ST18: variants seen among roughly 807,000 people sequenced by gnomAD.
ST18 encodes suppression of tumorigenicity 18 protein.
Under a neutral mutation model 110.0 loss-of-function variants are expected in ST18, and 50 were observed. The ratio of observed to expected loss-of-function variants is 0.45; its 90% CI spans 0.36 to 0.58. The LOEUF is 0.58. Among genes scored for constraint, ST18 ranks in the 20% least tolerant of loss-of-function variants. The pLI is 0.00. For synonymous variants in ST18, 461 were observed against 452.4 expected (o/e 1.02, Z -0.24); for missense variants, 1,306 against 1,280.1 (o/e 1.02, Z -0.31).
intron 18 of ST18, among the ~76,000 whole-genome samples, chr8:52,137,130 C>T (rs772726306): frequency 2.0e-5 from 3 of 152,188 alleles, no homozygotes; most frequent in Non-Finnish European, 4.4e-5. Flanking sequence ...CGATTTGAGT[C>T]ACTGTTGTAT....
intron 8 of ST18, among the ~76,000 whole-genome samples, chr8:52,210,681 TAAATAA>T (rs1005660146): frequency 4.0e-5 from 6 of 151,512 alleles, no homozygotes; most frequent in Non-Finnish European, 8.8e-5. Flanking sequence ...AAAAAATAAA[TAAATAA>T]AAATAAAAAT....
At chr8:52,193,848 G>A (rs934805189) in intron 8 of ST18, among the ~76,000 whole-genome samples, 26 of 152,150 alleles carry the variant, frequency 1.7e-4, no homozygotes, top group Non-Finnish European at 3.4e-4. Context: ...GAAACTTTGT[G>A]ACCACACTCA....
Position 52,145,080 on chromosome 8 carries a change from G to A in ST18, c.2053-2035C>T, listed in dbSNP as rs753638833. ...ATTTTTTTTTTTTTTTAACGAAAAC[G>A]GCATAAAGTAAAAAGAGCCATTTTA... On this transcript the variant is annotated intron_variant, in intron 16 of 25. Transcript: ENST00000689386. Among the ~76,000 whole-genome samples, 302 of 150,316 alleles carry A rather than the reference G, an allele frequency of 2.0e-3. 3 individuals carry two copies. The highest frequency in any genetic ancestry group is 3.5e-4 in the Non-Finnish European group (24 of 67,668).
chr8:52,190,626 G>C (rs116619590), intron 8 of ST18, among the ~76,000 whole-genome samples: 63 of 152,326 alleles, frequency 4.1e-4, no homozygotes, highest in African/African-American at 1.5e-3. Context: ...GCAGAACCAA[G>C]AGTAGTTAGC....
At chr8:52,154,088 T>C (rs565039995) in intron 15 of ST18, among the ~76,000 whole-genome samples, 30 of 152,342 alleles carry the variant, frequency 2.0e-4, no homozygotes, top group African/African-American at 7.0e-4. Flanking sequence ...AAGCCAATTA[T>C]TAAATAGCTG....
chr8:52,204,523 C>G (rs1041095298), intron 8 of ST18, among the ~76,000 whole-genome samples: 4 of 152,200 alleles, frequency 2.6e-5, no homozygotes, highest in African/African-American at 9.7e-5. Flanking sequence ...TGGACGTGAT[C>G]TATTCTCACC....
chr8:52,156,125 C>A (rs1418483341), intron 15 of ST18, among the ~76,000 whole-genome samples: 1 of 152,186 alleles, frequency 6.6e-6, no homozygotes, highest in Admixed American at 6.5e-5. Flanking sequence ...GCTCTTTACC[C>A]AGAGCCATGC....
intron 9 of ST18, among the ~76,000 whole-genome samples, chr8:52,179,677 T>G (rs905536530): frequency 2.0e-5 from 3 of 152,158 alleles, no homozygotes; most frequent in Non-Finnish European, 2.9e-5. Flanking sequence ...AATTTTTAAC[T>G]GTAATATATA....
chr8:52,227,858 C>T (rs949456859), intron 3 of ST18, among the ~76,000 whole-genome samples: 1 of 152,086 alleles, frequency 6.6e-6, no homozygotes, highest in Non-Finnish European at 1.5e-5. Context: ...AGTTTCTCTT[C>T]CCTGGGCTGA....
At chr8:52,392,336 G>A (rs1839612905) in intron 2 of ST18, among the ~76,000 whole-genome samples, 1 of 152,098 alleles carries the variant, frequency 6.6e-6, no homozygotes, top group African/African-American at 2.4e-5. Flanking sequence ...GGTAGTAGTG[G>A]TGGTGAGGAT....
intron 2 of ST18, chr8:52,393,508 C>G (rs192961647): frequency 7.2e-5 from 11 of 152,148 alleles, no homozygotes; most frequent in African/African-American, 2.7e-4. Flanking sequence ...ATACACTCCT[C>G]TCTAAAAAAC....
In ST18 at chr8:52,195,767, C is replaced by T. The variant is rs534636539; in HGVS notation, c.87-15455G>A. Among the ~76,000 whole-genome samples, 7 of 152,144 alleles carry T rather than the reference C, an allele frequency of 4.6e-5. No homozygotes were observed. In the East Asian group the frequency reaches 1.2e-3, roughly 25 times the overall value. On this transcript the variant is annotated intron_variant, in intron 8 of 25. Coordinates refer to ENST00000689386, the MANE Select transcript of ST18 (RefSeq NM_001352837.2). Reference sequence around the variant, plus strand: ...ATGTATAGAATTGAGTTTAAAGTGCCTCAATTTTACCTTAACTAACTTGGT... The same window carrying T: ...ATGTATAGAATTGAGTTTAAAGTGCTTCAATTTTACCTTAACTAACTTGGT...
At chr8:52,179,990 T>G in intron 9 of ST18, 132 bp downstream of exon 9, 1 of 997,432 alleles carries the variant, frequency 1.0e-6, no homozygotes, top group Non-Finnish European at 1.5e-6. Flanking sequence ...AAAATAAATG[T>G]TTCATTTTGC....
intron 2 of ST18, among the ~76,000 whole-genome samples, chr8:52,238,452 A>G (rs2137401730): frequency 6.6e-6 from 1 of 152,320 alleles, no homozygotes; most frequent in South Asian, 2.1e-4. Flanking sequence ...AGAACTAAAA[A>G]CAGAACTACC....
chr8:52,183,344 T>C (rs1471858191), intron 8 of ST18, among the ~76,000 whole-genome samples: 1 of 152,170 alleles, frequency 6.6e-6, no homozygotes, highest in African/African-American at 2.4e-5. Context: ...AAAATGTCCA[T>C]AGCCTGGGGC....
At chr8:52,250,501 A>G (rs1430826353) in intron 2 of ST18, among the ~76,000 whole-genome samples, 2 of 144,586 alleles carry the variant, frequency 1.4e-5, no homozygotes, top group African/African-American at 5.1e-5. Flanking sequence ...CCAAAGCTGT[A>G]TAAACAATGC....
At chr8:52,382,617 G>C (rs554813211) in intron 2 of ST18, among the ~76,000 whole-genome samples, 3 of 152,246 alleles carry the variant, frequency 2.0e-5, no homozygotes, top group Non-Finnish European at 4.4e-5. Flanking sequence ...AAAAAGAAGA[G>C]GATGAACGGA....
At chr8:52,365,177 T>C (rs2140498101) in intron 2 of ST18, among the ~76,000 whole-genome samples, 1 of 150,954 alleles carries the variant, frequency 6.6e-6, no homozygotes, top group Non-Finnish European at 1.5e-5. Flanking sequence ...AAAAACATGA[T>C]GATGGAAAAA....
chr8:52,332,851 A>AAAAC (rs1189688851), intron 2 of ST18, among the ~76,000 whole-genome samples: 2 of 152,086 alleles, frequency 1.3e-5, no homozygotes, highest in Non-Finnish European at 2.9e-5. Context: ...ACTCTGTCAA[A>AAAAC]AAACAAACAA....
Sources: allele counts gnomAD v4.1 joint callset (sites outside exome capture counted in the v4.1 genomes callset), GRCh38; gene constraint gnomAD v4.1.1; transcripts MANE v1.5; gene names NCBI Gene and HGNC (gene_info 2026-07-23, HGNC 2026-07-21).